ITGA1: variants seen among roughly 807,000 people sequenced by gnomAD.
ITGA1 encodes integrin subunit alpha 1, also known as integrin alpha-1.
In ITGA1, 85 loss-of-function variants were observed where a neutral mutation model predicts 145.9. The ratio of observed to expected loss-of-function variants is 0.58; its 90% CI spans 0.49 to 0.70. ITGA1 has a LOEUF of 0.70. Ranked by LOEUF, ITGA1 falls within the 30% of genes least tolerant of loss-of-function variation. The pLI is 0.00. For synonymous variants in ITGA1, 520 were observed against 495.3 expected (o/e 1.05, Z -0.66); for missense variants, 1,351 against 1,418.7 (o/e 0.95, Z 0.77).
intron 1 of ITGA1, among the ~76,000 whole-genome samples, chr5:52,813,071 A>G (rs1748708926): frequency 6.6e-6 from 1 of 152,132 alleles, no homozygotes; most frequent in Admixed American, 6.6e-5. Flanking sequence ...AGTTTTACAC[A>G]CAAATGAAGA....
intron 1 of ITGA1, among the ~76,000 whole-genome samples, chr5:52,828,295 C>G (rs1299832365): frequency 6.6e-6 from 1 of 152,206 alleles, no homozygotes; most frequent in Non-Finnish European, 1.5e-5. Flanking sequence ...CCAATTACTA[C>G]ACATCCTTGT....
chr5:52,890,401 T>C (rs957886016), intron 8 of ITGA1, among the ~76,000 whole-genome samples: 3 of 152,220 alleles, frequency 2.0e-5, no homozygotes, highest in African/African-American at 7.2e-5. Context: ...GTTCATTCTG[T>C]TTTTAAAAAT....
chr5:52,929,564 T>C, intron 20 of ITGA1, 61 bp from the exon 21 acceptor site: 1 of 823,538 alleles, frequency 1.2e-6, no homozygotes, highest in East Asian at 2.6e-5. Flanking sequence ...TTATGGAAAT[T>C]GAATATTTTA....
chr5:52,905,582 G>T, intron 11 of ITGA1, 181 bp from the exon 12 acceptor site: 1 of 424,184 alleles, frequency 2.4e-6, no homozygotes, highest in Non-Finnish European at 4.1e-6. Flanking sequence ...AGTTGTGGTA[G>T]ATAGAGAGCA....
intron 7 of ITGA1, among the ~76,000 whole-genome samples, chr5:52,886,403 G>A (rs975411547): frequency 1.3e-5 from 2 of 152,146 alleles, no homozygotes; most frequent in African/African-American, 2.4e-5. Flanking sequence ...TATATTTAGT[G>A]TGTATCTGTT....
chr5:52,834,147 T>C (rs902266614), intron 1 of ITGA1, among the ~76,000 whole-genome samples: 1 of 152,320 alleles, frequency 6.6e-6, no homozygotes, highest in Middle Eastern at 3.4e-3. Flanking sequence ...GTTACTTTCA[T>C]CTTTCTGCTT....
chr5:52,846,863 T>C (rs1195721581), intron 1 of ITGA1, among the ~76,000 whole-genome samples: 1 of 152,178 alleles, frequency 6.6e-6, no homozygotes, highest in Non-Finnish European at 1.5e-5. Flanking sequence ...AAAATCTTAA[T>C]TGAAAATTTC....
intron 6 of ITGA1, among the ~76,000 whole-genome samples, chr5:52,866,296 C>T (rs181525545): frequency 4.9e-4 from 74 of 152,252 alleles, no homozygotes; most frequent in African/African-American, 1.7e-3. Context: ...GTATTACAGG[C>T]GTGAGCCACT....
chr5:52,901,671 G>T (rs1231805231), intron 11 of ITGA1: 3 of 152,108 alleles, frequency 2.0e-5, no homozygotes, highest in Non-Finnish European at 4.4e-5. Flanking sequence ...TCCTAAATTT[G>T]TCATTCCCAA....
intron 1 of ITGA1, among the ~76,000 whole-genome samples, chr5:52,844,884 A>G (rs1158437543): frequency 2.0e-5 from 3 of 152,230 alleles, no homozygotes; most frequent in Non-Finnish European, 4.4e-5. Context: ...AACAAAATTC[A>G]CATTGAACTA....
chr5:52,800,696 C>T (rs559863446), intron 1 of ITGA1: 1 of 1,614,190 alleles, frequency 6.2e-7, no homozygotes, highest in East Asian at 2.2e-5. Context: ...GCTTACCACA[C>T]CATCGAGCTG....
chr5:52,847,389 T>C (rs538055971), intron 1 of ITGA1, among the ~76,000 whole-genome samples: 13 of 152,318 alleles, frequency 8.5e-5, no homozygotes, highest in Admixed American at 3.9e-4. Flanking sequence ...ATTAGAGTGA[T>C]TTAATCCACT....
chr5:52,809,339 A>G (rs969669747), intron 1 of ITGA1, among the ~76,000 whole-genome samples: 2 of 152,156 alleles, frequency 1.3e-5, no homozygotes, highest in African/African-American at 2.4e-5. Flanking sequence ...TGGCACAGGA[A>G]CATGGGAGCT....
intron 23 of ITGA1, among the ~76,000 whole-genome samples, chr5:52,936,665 T>C (rs1399140200): frequency 6.6e-6 from 1 of 152,168 alleles, no homozygotes; most frequent in Non-Finnish European, 1.5e-5. Context: ...GACCTCTGGA[T>C]AGTGAGTTCA....
chr5:52,820,395 A>C, intron 1 of ITGA1, among the ~76,000 whole-genome samples: 2 of 111,322 alleles, frequency 1.8e-5, no homozygotes, highest in South Asian at 3.5e-4. Flanking sequence ...GGGGGGAGGG[A>C]TAGCATTAGG....
chr5:52,905,333 T>A (rs1298252500), intron 11 of ITGA1: 1 of 152,506 alleles, frequency 6.6e-6, no homozygotes, highest in Admixed American at 6.5e-5. Context: ...TTATTTAAAA[T>A]TACAATTTTA....
chr5:52,794,989 G>A (rs1046494084), intron 1 of ITGA1, among the ~76,000 whole-genome samples: 4 of 151,774 alleles, frequency 2.6e-5, no homozygotes, highest in South Asian at 2.1e-4. Context: ...ACCTAAGCAC[G>A]GCTATCTCAA....
chr5:52,921,718 TTTTGAAAGAAGCAC>T, intron 17 of ITGA1, among the ~76,000 whole-genome samples: 1 of 152,296 alleles, frequency 6.6e-6, no homozygotes, highest in African/African-American at 2.4e-5. Context: ...TTGTTTTGGA[TTTTGAAAGAAGCAC>T]TTTGAAATTT....
At chr5:52,816,590 G>A (rs889906955) in intron 1 of ITGA1, among the ~76,000 whole-genome samples, 1 of 152,114 alleles carries the variant, frequency 6.6e-6, no homozygotes, top group Non-Finnish European at 1.5e-5. Context: ...CTGAAGGAGT[G>A]TGGAATAGGT....
Sources: gnomAD v4.1 joint callset for allele counts (sites outside exome capture counted in the v4.1 genomes callset) on GRCh38, gnomAD v4.1.1 for gene constraint, MANE v1.5 for transcripts, NCBI Gene and HGNC (gene_info 2026-07-23, HGNC 2026-07-21) for gene names.